The following ZNF385B variants were observed in gnomAD, a reference collection of about 807,000 sequenced individuals.
The protein encoded by ZNF385B is zinc finger protein 385B, also known as zinc finger protein 533.
Under a neutral mutation model 39.2 loss-of-function variants are expected in ZNF385B, and 23 were observed. The observed-to-expected ratio is 0.59, with a 90% CI of 0.42 to 0.83. The LOEUF is 0.83. ZNF385B is among the 40% of genes least tolerant of loss of function. The pLI, the probability that ZNF385B is intolerant of heterozygous loss-of-function variation, is 0.00. For synonymous variants in ZNF385B, 205 were observed against 222.6 expected (o/e 0.92, Z 0.70); for missense variants, 552 against 598.9 (o/e 0.92, Z 0.82).
intron 3 of ZNF385B, among the ~76,000 whole-genome samples, chr2:179,624,168 C>A (rs1265178854): frequency 6.6e-6 from 1 of 152,110 alleles, no homozygotes; most frequent in African/African-American, 2.4e-5. Context: ...CCTATATATA[C>A]ACCTTTATTT....
intron 3 of ZNF385B, among the ~76,000 whole-genome samples, chr2:179,746,775 G>A (rs774815164): frequency 7.2e-5 from 11 of 151,960 alleles, no homozygotes; most frequent in Non-Finnish European, 1.0e-4. Context: ...ACTGGACATC[G>A]TCTTTAGAAG....
intron 1 of ZNF385B, among the ~76,000 whole-genome samples, chr2:179,829,091 T>C (rs763986225): frequency 5.9e-5 from 9 of 151,706 alleles, no homozygotes; most frequent in Non-Finnish European, 1.3e-4. Context: ...ACATTTTAAT[T>C]AAGGAATACA....
intron 3 of ZNF385B, among the ~76,000 whole-genome samples, chr2:179,639,865 AT>A (rs1408538494): frequency 3.3e-5 from 5 of 152,212 alleles, no homozygotes; most frequent in Admixed American, 3.3e-4. Context: ...CAATGAAGCA[AT>A]CATGCAGACA....
In ZNF385B at chr2:179,443,184, G is replaced by T; in HGVS notation, c.*66C>A. ...TACTGCAACACAAACTGCTTAAATT[G>T]CTGAATCCTTGTGGCTTTCTTTCTC... On this transcript the variant is annotated 3_prime_UTR_variant, in exon 10 of 10. Coordinates refer to ENST00000410066, the MANE Select transcript of ZNF385B (RefSeq NM_152520.6). 6.3e-7 allele frequency: 1 copy of T among 1,586,698 alleles called. No individual in the cohort carries two copies. Among genetic ancestry groups the T allele is most frequent in the Non-Finnish European group, 8.6e-7 (1 of 1,158,674 alleles).
At chr2:179,571,621 A>G (rs1685221047) in intron 3 of ZNF385B, among the ~76,000 whole-genome samples, 1 of 152,234 alleles carries the variant, frequency 6.6e-6, no homozygotes, top group Non-Finnish European at 1.5e-5. Context: ...TGAAATACAA[A>G]CAATTAAAAG....
intron 3 of ZNF385B, among the ~76,000 whole-genome samples, chr2:179,672,379 G>T (rs1696138680): frequency 6.6e-6 from 1 of 152,158 alleles, no homozygotes; most frequent in South Asian, 2.1e-4. Context: ...ATCTGATTTT[G>T]ATAATATTTA....
rs944358332 is a variant in ZNF385B, at chr2:179,747,977, C to T, written c.298+21526G>A. Among the ~76,000 whole-genome samples, 6 of 152,110 alleles carry T rather than the reference C, an allele frequency of 3.9e-5. No homozygotes were observed. The South Asian group carries it at 1.2e-3, about 32-fold the overall frequency. ...CCATCAATATGAATTATAAAATCTT[C>T]CAGTTCTCACTGCTTCTTGGATTTC... is the stretch of plus-strand genomic sequence containing the variant. On this transcript the variant is annotated intron_variant, in intron 3 of 9. Transcript: ENST00000410066.
At chr2:179,610,513 G>A (rs1689200066) in intron 3 of ZNF385B, among the ~76,000 whole-genome samples, 1 of 152,034 alleles carries the variant, frequency 6.6e-6, no homozygotes, top group Non-Finnish European at 1.5e-5. Flanking sequence ...TGCTTCTGTT[G>A]CTCAGGATAT....
chr2:179,597,791 A>T lies in ZNF385B; in HGVS notation c.299-52822T>A, dbSNP rs189799221. On this transcript the variant is annotated intron_variant, in intron 3 of 9. Coordinates refer to ENST00000410066, the MANE Select transcript of ZNF385B (RefSeq NM_152520.6). ...CAGAAAAAGAAAGATAAATAATATTATTGCCCCATAAGTCTTTTTTTCTTG... is the reference window on the plus strand; with the variant it reads ...CAGAAAAAGAAAGATAAATAATATTTTTGCCCCATAAGTCTTTTTTTCTTG... 5.8e-4 allele frequency among the ~76,000 whole-genome samples: 88 copies of T among 152,342 alleles called. 1 individual carries two copies. The highest frequency in any genetic ancestry group is 4.8e-3 in the Admixed American group (74 of 15,298).
chr2:179,564,669 C>T (rs567800817), intron 3 of ZNF385B, among the ~76,000 whole-genome samples: 1 of 152,252 alleles, frequency 6.6e-6, no homozygotes. Context: ...CAAAATAAAA[C>T]TAGGGTTCTG....
intron 1 of ZNF385B, among the ~76,000 whole-genome samples, chr2:179,804,149 C>A (rs963172140): frequency 2.0e-5 from 3 of 152,166 alleles, no homozygotes; most frequent in Non-Finnish European, 4.4e-5. Flanking sequence ...CCAAAGGGAA[C>A]CTTATTGTCA....
chr2:179,845,417 G>T (rs1708750614), intron 1 of ZNF385B, among the ~76,000 whole-genome samples: 1 of 152,176 alleles, frequency 6.6e-6, no homozygotes. Context: ...GCTGTGGTTA[G>T]CGTAGGCAGT....
chr2:179,611,161 G>T (rs966192430), intron 3 of ZNF385B, among the ~76,000 whole-genome samples: 4 of 152,048 alleles, frequency 2.6e-5, no homozygotes, highest in Admixed American at 2.6e-4. Flanking sequence ...CATTCATTTT[G>T]ATACTAGCTG....
At chr2:179,791,569 G>A (rs1355344502) in intron 1 of ZNF385B, among the ~76,000 whole-genome samples, 4 of 152,186 alleles carry the variant, frequency 2.6e-5, no homozygotes, top group Non-Finnish European at 4.4e-5. Context: ...AGTGAGGCAG[G>A]TGAGGCGCTT....
At chr2:179,648,658 C>A (rs1029836616) in intron 3 of ZNF385B, among the ~76,000 whole-genome samples, 1 of 152,002 alleles carries the variant, frequency 6.6e-6, no homozygotes, top group East Asian at 1.9e-4. Flanking sequence ...AAGGAAAGTA[C>A]AAAATGAGCC....
intron 1 of ZNF385B, among the ~76,000 whole-genome samples, chr2:179,798,488 T>C (rs1439821693): frequency 1.3e-5 from 2 of 152,116 alleles, no homozygotes; most frequent in African/African-American, 2.4e-5. Flanking sequence ...GACTACAAGT[T>C]TTCTATCAAC....
At chr2:179,568,255 T>C (rs1684815231) in intron 3 of ZNF385B, among the ~76,000 whole-genome samples, 1 of 152,210 alleles carries the variant, frequency 6.6e-6, no homozygotes, top group African/African-American at 2.4e-5. Context: ...TCAGTTATCA[T>C]CTCAGTGAGC....
chr2:179,472,610 G>A (rs553344181), intron 6 of ZNF385B, among the ~76,000 whole-genome samples: 10 of 152,170 alleles, frequency 6.6e-5, no homozygotes, highest in Non-Finnish European at 1.5e-4. Flanking sequence ...ATTAATAGCC[G>A]ACAAGGATTA....
chr2:179,650,376 T>TC (rs1457390894), intron 3 of ZNF385B, among the ~76,000 whole-genome samples: 4 of 152,170 alleles, frequency 2.6e-5, no homozygotes, highest in African/African-American at 7.2e-5. Context: ...AGGACACTGG[T>TC]CCATGGAGAA....
Sources: allele counts gnomAD v4.1 joint callset (sites outside exome capture counted in the v4.1 genomes callset), GRCh38; gene constraint gnomAD v4.1.1; transcripts MANE v1.5; gene names NCBI Gene and HGNC (gene_info 2026-07-23, HGNC 2026-07-21).